The following NDRG1 variants were observed in gnomAD, a reference collection of about 807,000 sequenced individuals.
NDRG1 encodes N-myc downstream regulated 1.
In NDRG1, 32 loss-of-function variants were observed where a neutral mutation model predicts 56.9. That is an observed-to-expected ratio of 0.56 (90% confidence interval 0.42 to 0.76). NDRG1 has a LOEUF of 0.76. Ranked by LOEUF, NDRG1 falls within the 30% of genes least tolerant of loss-of-function variation. The pLI is 0.00. For missense variants in NDRG1, 507 were observed against 545.7 expected (o/e 0.93, Z 0.71); for synonymous variants, 211 against 204.1 (o/e 1.03, Z -0.29).
chr8:133,250,008 G>A (rs1855924430), intron 10 of NDRG1, among the ~76,000 whole-genome samples: 1 of 152,152 alleles, frequency 6.6e-6, no homozygotes, highest in Non-Finnish European at 1.5e-5. Context: ...TTAGGCAAAG[G>A]CCATGTTCAG....
At position 133,249,327 on chromosome 8, in the gene NDRG1, A is replaced by G. The variant is rs550429549; in HGVS notation, c.699-556T>C. 1.0e-4 allele frequency: 17 copies of G among 165,464 alleles called. No individual in the cohort carries two copies. The East Asian group carries it at 2.3e-3, about 22-fold the overall frequency. The allele number at this position is 165,464 out of a possible 1,614,324, so 10.2% of individuals were successfully genotyped here. On this transcript the variant is annotated intron_variant, in intron 10 of 15. Coordinates refer to ENST00000323851, the MANE Select transcript of NDRG1 (RefSeq NM_006096.4). Reference sequence around the variant, plus strand: ...CCACCTTTCCTGCACGCAGCCACCCACCCTCTCTGCTATCTTGCAGCTCCC... The same window carrying G: ...CCACCTTTCCTGCACGCAGCCACCCGCCCTCTCTGCTATCTTGCAGCTCCC...
intron 7 of NDRG1, among the ~76,000 whole-genome samples, chr8:133,257,276 C>T (rs978431545): frequency 1.2e-4 from 17 of 146,224 alleles, no homozygotes; most frequent in African/African-American, 4.3e-4. Flanking sequence ...AGGATAAACA[C>T]ATGCATACAC....
At chr8:133,244,215 T>C (rs1855539439) in intron 14 of NDRG1, 140 bp downstream of exon 14, 1 of 1,057,424 alleles carries the variant, frequency 9.5e-7, no homozygotes, top group South Asian at 1.3e-5. Context: ...TCCTCCTATA[T>C]AGCACCTTTT....
chr8:133,294,577 T>C (rs556724318), intron 1 of NDRG1, among the ~76,000 whole-genome samples: 1 of 152,288 alleles, frequency 6.6e-6, no homozygotes, highest in South Asian at 2.1e-4. Flanking sequence ...CAATGCTATC[T>C]TTCTTTCAGG....
chr8:133,260,611 T>C (rs896196008), intron 5 of NDRG1, among the ~76,000 whole-genome samples: 9 of 152,296 alleles, frequency 5.9e-5, no homozygotes, highest in East Asian at 5.8e-4. Context: ...AACCAAAGAT[T>C]TACGGACACA....
intron 3 of NDRG1, among the ~76,000 whole-genome samples, chr8:133,270,109 G>T (rs1857118628): frequency 6.6e-6 from 1 of 152,248 alleles, no homozygotes; most frequent in Admixed American, 6.5e-5. Context: ...CCAATTCCCA[G>T]AGGGAAAGGC....
intron 1 of NDRG1, among the ~76,000 whole-genome samples, chr8:133,287,016 G>A (rs1231254511): frequency 6.6e-6 from 1 of 152,164 alleles, no homozygotes; most frequent in Non-Finnish European, 1.5e-5. Flanking sequence ...TAGGGTGGGA[G>A]GAGAGCGGCT....
chr8:133,269,809 C>G (rs1436945514), intron 3 of NDRG1, among the ~76,000 whole-genome samples: 2 of 152,232 alleles, frequency 1.3e-5, no homozygotes, highest in Admixed American at 6.5e-5. Context: ...CCCAGCGTCT[C>G]CAAGGACTGG....
intron 8 of NDRG1, 186 bp from the exon 9 acceptor site, chr8:133,254,781 C>A (rs1856280283): frequency 9.2e-6 from 6 of 652,582 alleles, no homozygotes; most frequent in Non-Finnish European, 1.7e-5. Context: ...ACCTGATCCC[C>A]CAAATGCAGG....
At chr8:133,248,693 G>T in intron 11 of NDRG1, 22 bp downstream of exon 11, 1 of 1,614,026 alleles carries the variant, frequency 6.2e-7, no homozygotes, top group Non-Finnish European at 8.5e-7. Flanking sequence ...TGCAAGTGCT[G>T]GGGGAGAGAA....
intron 4 of NDRG1, among the ~76,000 whole-genome samples, chr8:133,263,585 CAGCCAAAA>C (rs1205819639): frequency 3.9e-5 from 6 of 152,200 alleles, no homozygotes; most frequent in Admixed American, 2.0e-4. Flanking sequence ...GTTACTCACA[CAGCCAAAA>C]AGTGAAAATG....
chr8:133,239,180 T>G lies in NDRG1; in HGVS notation c.944-61A>C, dbSNP rs1428263528. The G allele has an allele frequency of 1.9e-6, 3 of 1,546,312 alleles. No individual in the cohort carries two copies. In the Admixed American group the frequency reaches 5.9e-5, roughly 30 times the overall value. On this transcript the variant is annotated intron_variant, in intron 15 of 15. Transcript: ENST00000323851. ...AGACTGCCAGGTGAGGAGCCAGGCATGCCCGTCCACCAGCCACATGCTCTT... is the reference window on the plus strand; with the variant it reads ...AGACTGCCAGGTGAGGAGCCAGGCAGGCCCGTCCACCAGCCACATGCTCTT...
At chr8:133,246,466 A>G (rs1473328188) in intron 13 of NDRG1, 150 bp downstream of exon 13, 6 of 875,352 alleles carry the variant, frequency 6.9e-6, no homozygotes, top group Non-Finnish European at 1.1e-5. Flanking sequence ...TCAGCACCCA[A>G]TATATGTTCA....
intron 3 of NDRG1, among the ~76,000 whole-genome samples, chr8:133,269,197 C>G (rs546288790): frequency 6.6e-6 from 1 of 152,192 alleles, no homozygotes; most frequent in Admixed American, 6.5e-5. Context: ...TCTCGAAGCT[C>G]ATGAGGGACC....
chr8:133,294,218 G>A (rs1364127650), intron 1 of NDRG1, among the ~76,000 whole-genome samples: 1 of 152,212 alleles, frequency 6.6e-6, no homozygotes, highest in African/African-American at 2.4e-5. Context: ...CAACTGTCCG[G>A]GTTCAAAGTC....
intron 2 of NDRG1, among the ~76,000 whole-genome samples, chr8:133,283,243 G>A (rs1021167743): frequency 6.6e-5 from 10 of 152,188 alleles, no homozygotes; most frequent in African/African-American, 1.2e-4. Flanking sequence ...GTTGAAATAC[G>A]GTCGGCGGAG....
At chr8:133,265,425 T>C (rs940326767) in intron 3 of NDRG1, among the ~76,000 whole-genome samples, 3 of 152,156 alleles carry the variant, frequency 2.0e-5, no homozygotes, top group African/African-American at 7.2e-5. Flanking sequence ...GGTTTGGGGA[T>C]GGCATCCACC....
chr8:133,243,149 T>G (rs980929628), intron 14 of NDRG1, among the ~76,000 whole-genome samples: 1 of 152,194 alleles, frequency 6.6e-6, no homozygotes, highest in African/African-American at 2.4e-5. Context: ...CCCCCCTCCC[T>G]GCTCTCCACT....
rs1856050504 is a variant in NDRG1, at chr8:133,251,603, T to C, written c.595-1060A>G. 2.0e-5 allele frequency among the ~76,000 whole-genome samples: 3 copies of C among 152,188 alleles called. No individual in the cohort carries two copies. The South Asian group carries it at 6.2e-4, about 32-fold the overall frequency. ...AACAGAGACAGTGGCTGTGAATTTT[T>C]CCCAATTCCTATCAGTTTCAGATTA... is the stretch of plus-strand genomic sequence containing the variant. On this transcript the variant is annotated intron_variant, in intron 9 of 15. Coordinates refer to ENST00000323851, the MANE Select transcript of NDRG1 (RefSeq NM_006096.4).
Sources: allele counts gnomAD v4.1 joint callset (sites outside exome capture counted in the v4.1 genomes callset), GRCh38; gene constraint gnomAD v4.1.1; transcripts MANE v1.5; gene names NCBI Gene and HGNC (gene_info 2026-07-23, HGNC 2026-07-21).